MYO5B: variants seen among roughly 807,000 people sequenced by gnomAD.
The protein encoded by MYO5B is unconventional myosin-Vb.
In MYO5B, 143 loss-of-function variants were observed where a neutral mutation model predicts 229.3. The ratio of observed to expected loss-of-function variants is 0.62; its 90% CI spans 0.54 to 0.72. The LOEUF is 0.72. Ranked by LOEUF, MYO5B falls within the 30% of genes least tolerant of loss-of-function variation. The probability of loss-of-function intolerance (pLI) is 0.00; values close to 1 mark genes in which losing one functional copy is unlikely to be tolerated. For missense variants in MYO5B, 2,321 were observed against 2,331.0 expected, an observed-to-expected ratio of 1.00 and a Z score of 0.09; for synonymous variants, 918 against 885.2, an observed-to-expected ratio of 1.04 and a Z score of -0.66.
In MYO5B at chr18:49,839,491, A is replaced by C. The variant is rs557819788; in HGVS notation, c.4702-197T>G. 6 of 637,148 alleles carry C rather than the reference A, an allele frequency of 9.4e-6. 1 individual carries two copies. Among genetic ancestry groups the C allele is most frequent in the East Asian group, 8.5e-5 (3 of 35,136 alleles). 39.5% of individuals were successfully genotyped at this position (637,148 alleles called of 1,614,324 possible). A position where few individuals can be genotyped will look rare whatever the true frequency, so the allele number is the denominator to read the frequency against. On this transcript the variant is annotated intron_variant, in intron 35 of 39. Transcript: ENST00000285039. ...TGACCCTTGAACTTGAAGGATGTAG[A>C]AAAACTCAACATGAGAGAGAAAGCC...
intron 1 of MYO5B, among the ~76,000 whole-genome samples, chr18:50,063,288 C>G (rs1439269221): frequency 6.6e-6 from 1 of 152,184 alleles, no homozygotes. Flanking sequence ...TAATCTTCCC[C>G]TTTCCCCAAA....
chr18:49,887,545 TC>T (rs943557290), intron 22 of MYO5B, among the ~76,000 whole-genome samples: 7 of 152,010 alleles, frequency 4.6e-5, no homozygotes, highest in Non-Finnish European at 8.8e-5. Context: ...TGATGCCTGC[TC>T]CCCCTTCAAC....
At chr18:50,044,569 C>G (rs907532229) in intron 2 of MYO5B, among the ~76,000 whole-genome samples, 1 of 152,096 alleles carries the variant, frequency 6.6e-6, no homozygotes, top group African/African-American at 2.4e-5. Flanking sequence ...CCCTGCCTGA[C>G]AAGCAGGACT....
At chr18:49,936,488 C>A (rs1480409560) in intron 15 of MYO5B, 139 bp from the exon 16 acceptor site, 2 of 738,944 alleles carry the variant, frequency 2.7e-6, no homozygotes, top group African/African-American at 1.7e-5. Context: ...TTTCAGAGAC[C>A]TGGGGTAAGA....
intron 14 of MYO5B, among the ~76,000 whole-genome samples, chr18:49,947,991 C>T (rs975544795): frequency 2.6e-5 from 4 of 152,084 alleles, no homozygotes; most frequent in African/African-American, 9.7e-5. Flanking sequence ...TTAGGTATAC[C>T]TCCTAATGCT....
chr18:50,184,128 T>C (rs181406303), intron 1 of MYO5B, among the ~76,000 whole-genome samples: 9 of 152,308 alleles, frequency 5.9e-5, no homozygotes, highest in African/African-American at 2.2e-4. Flanking sequence ...TTGTTACACT[T>C]TGCCTTTTTG....
chr18:49,910,999 C>G (rs2024951304), intron 18 of MYO5B, among the ~76,000 whole-genome samples: 1 of 152,220 alleles, frequency 6.6e-6, no homozygotes, highest in South Asian at 2.1e-4. Context: ...CTATAGTTCT[C>G]CAGTCTCAGC....
intron 7 of MYO5B, among the ~76,000 whole-genome samples, chr18:49,986,280 C>T (rs1224910722): frequency 6.6e-6 from 1 of 152,210 alleles, no homozygotes; most frequent in Non-Finnish European, 1.5e-5. Context: ...CCCCCATTTC[C>T]CACCTTGCAT....
intron 1 of MYO5B, among the ~76,000 whole-genome samples, chr18:50,077,158 T>A (rs1390822529): frequency 1.2e-4 from 12 of 99,066 alleles, no homozygotes; most frequent in African/African-American, 4.5e-4. Flanking sequence ...GTTAATTTAT[T>A]GTGGCAAAGT....
In MYO5B at chr18:49,825,410, C is replaced by A. The variant is rs1448366183; in HGVS notation, c.*1061G>T. The A allele has an allele frequency of 4.7e-5, 7 of 147,990 alleles. No individual in the cohort carries two copies. Among genetic ancestry groups the A allele is most frequent in the Non-Finnish European group, 7.4e-5 (5 of 67,592 alleles). The allele number at this position is 147,990 out of a possible 1,614,324, so 9.2% of individuals were successfully genotyped here. The stretch of plus-strand genomic sequence containing the variant: ...GAAAGTTGACCTAAGCCATTTTATT[C>A]TCTTAAAAAAAAAAAACCCAAACTT... On this transcript the variant is annotated 3_prime_UTR_variant, in exon 40 of 40. Coordinates refer to ENST00000285039, the MANE Select transcript of MYO5B (RefSeq NM_001080467.3).
chr18:50,032,732 C>A (rs895187209), intron 4 of MYO5B, among the ~76,000 whole-genome samples: 30 of 152,136 alleles, frequency 2.0e-4, no homozygotes, highest in African/African-American at 6.8e-4. Flanking sequence ...ATGCCTATAA[C>A]CCCAGCACTT....
intron 4 of MYO5B, among the ~76,000 whole-genome samples, chr18:50,004,308 T>C (rs2026078283): frequency 6.6e-6 from 1 of 152,174 alleles, no homozygotes; most frequent in South Asian, 2.1e-4. Flanking sequence ...CTGATAAAAG[T>C]GGACATACAT....
rs370280058 is a variant in MYO5B, at chr18:49,914,616, C to T, written c.2091-2443G>A. On this transcript the variant is annotated intron_variant, in intron 17 of 39. Transcript: ENST00000285039. The stretch of plus-strand genomic sequence containing the variant: ...CCAACATAGTGAAACCCTGTCTCTA[C>T]TAAAAGTACAAAAATTAGCTGGGCA... 2.6e-5 allele frequency among the ~76,000 whole-genome samples: 4 copies of T among 151,716 alleles called. No individual in the cohort carries two copies. The East Asian group carries it at 5.8e-4, about 22-fold the overall frequency.
chr18:49,881,301 T>C (rs1337787565), intron 22 of MYO5B, among the ~76,000 whole-genome samples: 18 of 152,168 alleles, frequency 1.2e-4, no homozygotes, highest in Admixed American at 1.2e-3. Flanking sequence ...TCAACCCACT[T>C]GCTTTACCTG....
At chr18:50,173,051 G>A (rs1254017064) in intron 1 of MYO5B, among the ~76,000 whole-genome samples, 1 of 152,160 alleles carries the variant, frequency 6.6e-6, no homozygotes, top group Non-Finnish European at 1.5e-5. Context: ...ATCACCTGAG[G>A]TCAGGAGTTC....
intron 1 of MYO5B, among the ~76,000 whole-genome samples, chr18:50,080,626 T>C (rs1195939903): frequency 6.6e-6 from 1 of 152,084 alleles, no homozygotes; most frequent in East Asian, 1.9e-4. Context: ...AGTTAGATGA[T>C]GACAACAGGA....
intron 39 of MYO5B, among the ~76,000 whole-genome samples, chr18:49,827,048 G>T (rs1332115598): frequency 6.6e-6 from 1 of 152,078 alleles, no homozygotes; most frequent in African/African-American, 2.4e-5. Context: ...CTGTAGAATG[G>T]GAGAAGAGTA....
intron 1 of MYO5B, chr18:50,064,222 CTG>C (rs2144434303): frequency 6.5e-6 from 1 of 153,360 alleles, no homozygotes; most frequent in Non-Finnish European, 1.5e-5. Flanking sequence ...TCTTTGGAGA[CTG>C]TGAATGACCT....
chr18:50,034,009 G>C (rs2026420419), intron 4 of MYO5B, among the ~76,000 whole-genome samples: 1 of 152,186 alleles, frequency 6.6e-6, no homozygotes, highest in African/African-American at 2.4e-5. Flanking sequence ...GTTCCTGTGT[G>C]AGCCACATCA....
Sources: gnomAD v4.1 joint callset for allele counts (sites outside exome capture counted in the v4.1 genomes callset) on GRCh38, gnomAD v4.1.1 for gene constraint, MANE v1.5 for transcripts, NCBI Gene and HGNC (gene_info 2026-07-23, HGNC 2026-07-21) for gene names.